FOXN2: variants seen among roughly 807,000 people sequenced by gnomAD.
FOXN2 encodes forkhead box N2.
A neutral mutation model predicts 41.2 loss-of-function variants in FOXN2; 19 were observed. The ratio of observed to expected loss-of-function variants is 0.46; its 90% CI spans 0.32 to 0.68. The LOEUF is 0.68. Among genes scored for constraint, FOXN2 ranks in the 30% least tolerant of loss-of-function variants. The probability of loss-of-function intolerance (pLI) is 0.03; values close to 1 mark genes in which losing one functional copy is unlikely to be tolerated. For synonymous variants in FOXN2, 195 were observed against 176.8 expected (o/e 1.10, Z -0.82); for missense variants, 587 against 509.4 (o/e 1.15, Z -1.47).
At chr2:48,330,206 A>G (rs1443719654) in intron 2 of FOXN2, among the ~76,000 whole-genome samples, 1 of 152,146 alleles carries the variant, frequency 6.6e-6, no homozygotes, top group Non-Finnish European at 1.5e-5. Context: ...TGGAAAATAC[A>G]ATGCTGTGGC....
At position 48,375,614 on chromosome 2, in the gene FOXN2, A is replaced by G; in HGVS notation, c.*171A>G. 1.7e-6 allele frequency: 1 copy of G among 595,576 alleles called. No homozygotes were observed. Among genetic ancestry groups the G allele is most frequent in the East Asian group, 2.8e-5 (1 of 35,124 alleles). 36.9% of individuals were successfully genotyped at this position (595,576 alleles called of 1,614,324 possible). On this transcript the variant is annotated 3_prime_UTR_variant, in exon 7 of 7. Coordinates refer to ENST00000340553, the MANE Select transcript of FOXN2 (RefSeq NM_002158.4). ...TTTTTATTAAACAATTGCTGTTAGGATCATGCCTGATCAGAAATACATGAT... is the reference window on the plus strand; with the variant it reads ...TTTTTATTAAACAATTGCTGTTAGGGTCATGCCTGATCAGAAATACATGAT...
At chr2:48,339,095 C>T (rs1470131971) in intron 2 of FOXN2, among the ~76,000 whole-genome samples, 1 of 151,998 alleles carries the variant, frequency 6.6e-6, no homozygotes, top group Non-Finnish European at 1.5e-5. Flanking sequence ...GCTATATGTT[C>T]ATATATATCT....
At chr2:48,364,561 T>C (rs1359744600) in intron 5 of FOXN2, among the ~76,000 whole-genome samples, 3 of 152,250 alleles carry the variant, frequency 2.0e-5, no homozygotes, top group Non-Finnish European at 1.5e-5. Context: ...CCCTTTTCCA[T>C]TTATTTTTAT....
In FOXN2 at chr2:48,378,082, T is replaced by C. The variant is rs1673360832; in HGVS notation, c.*2639T>C. On this transcript the variant is annotated 3_prime_UTR_variant, in exon 7 of 7. Transcript: ENST00000340553. ...TCAAAAGAATATGTTTTGTTGCAGC[T>C]GATTCCAGTTTATAATAGATCCCTA... is the stretch of plus-strand genomic sequence containing the variant. 6.6e-6 allele frequency: 1 copy of C among 152,518 alleles called. No homozygotes were observed. The highest frequency in any genetic ancestry group is 1.9e-4 in the East Asian group (1 of 5,200). The allele number at this position is 152,518 out of a possible 1,614,324, so 9.4% of individuals were successfully genotyped here.
At chr2:48,350,460 A>G (rs999805516) in intron 3 of FOXN2, among the ~76,000 whole-genome samples, 3 of 152,208 alleles carry the variant, frequency 2.0e-5, no homozygotes, top group Admixed American at 6.5e-5. Context: ...TCTTTTAGCA[A>G]CAGCCATCCT....
intron 3 of FOXN2, among the ~76,000 whole-genome samples, chr2:48,350,747 T>A (rs1269025055): frequency 1.3e-5 from 2 of 152,176 alleles, no homozygotes; most frequent in Admixed American, 6.5e-5. Flanking sequence ...TGGAGGCCAG[T>A]GGAAAAAGAC....
intron 3 of FOXN2, among the ~76,000 whole-genome samples, chr2:48,349,069 A>C (rs1390515107): frequency 6.6e-6 from 1 of 152,146 alleles, no homozygotes; most frequent in Non-Finnish European, 1.5e-5. Flanking sequence ...CTCAATATAG[A>C]GTCTAGAGCT....
At chr2:48,369,440 A>G (rs532918828) in intron 5 of FOXN2, among the ~76,000 whole-genome samples, 4 of 152,214 alleles carry the variant, frequency 2.6e-5, no homozygotes, top group Non-Finnish European at 4.4e-5. Flanking sequence ...CAGGAGGCTG[A>G]GGCAGTAGAA....
rs1669835313 is a variant in FOXN2 at position 48,328,621 on chromosome 2, C to CA, written c.-90dup. On this transcript the variant is annotated 5_prime_UTR_variant, in exon 2 of 7. An upstream open reading frame in the 5' UTR loses its in-frame stop. Transcript: ENST00000340553. ...CAGAGGGCTGACTGTACAAGTCTGT[C>CA]AAAAAACCAAACTGCTGGTTGGCTA... 1 of 152,092 alleles carries CA rather than the reference C, an allele frequency of 6.6e-6. No homozygotes were observed. Among genetic ancestry groups the CA allele is most frequent in the Non-Finnish European group, 1.5e-5 (1 of 68,018 alleles). 9.4% of individuals were successfully genotyped at this position (152,092 alleles called of 1,614,324 possible). A position where few individuals can be genotyped will look rare whatever the true frequency, so the allele number is the denominator to read the frequency against.
In FOXN2 at chr2:48,373,325, T is replaced by C. The variant is rs769468616; in HGVS notation, c.737T>C (p.Leu246Pro). The C allele has an allele frequency of 6.3e-7, 1 of 1,591,898 alleles. No individual in the cohort carries two copies. Among genetic ancestry groups the C allele is most frequent in the Non-Finnish European group, 8.5e-7 (1 of 1,171,126 alleles). ...ATTGATGCTGCTGCTGCAATGATGC[T>C]TTTAAATACTTCTATAGAACAAGGA... ...SDIDAAAAMM[L>P]LNTSIEQGIL... is the part of the protein sequence containing the mutation. Residue 246 changes from leucine (L) to proline (P), a missense_variant, in exon 6 of 7, where the codon CTT (leucine) becomes CCT (proline). Transcript: ENST00000340553.
chr2:48,374,637 G>A (rs545709365), intron 6 of FOXN2, among the ~76,000 whole-genome samples: 4 of 152,296 alleles, frequency 2.6e-5, no homozygotes, highest in African/African-American at 9.6e-5. Flanking sequence ...TAACACGGAA[G>A]TGATTAGCTA....
intron 5 of FOXN2, among the ~76,000 whole-genome samples, chr2:48,372,931 A>AAAAAAGGAG (rs1165154673): frequency 6.6e-6 from 1 of 152,068 alleles, no homozygotes; most frequent in Non-Finnish European, 1.5e-5. Flanking sequence ...GCAAAAAAAA[A>AAAAAAGGAG]AAAAAGGAGT....
In FOXN2 at chr2:48,363,652, C is replaced by A. The variant is rs140294944; in HGVS notation, c.703+945C>A. Among the ~76,000 whole-genome samples, 600 of 152,208 alleles carry A rather than the reference C, an allele frequency of 3.9e-3. 6 individuals carry two copies. The highest frequency in any genetic ancestry group is 0.014 in the African/African-American group (565 of 41,520). ...ATTTGTATAGTGTTTTTATTGTACC[C>A]CCTTTTTTGTTCCCTGGCAGAAACT... On this transcript the variant is annotated intron_variant, in intron 5 of 6. Coordinates refer to ENST00000340553, the MANE Select transcript of FOXN2 (RefSeq NM_002158.4).
At chr2:48,355,578 T>C (rs1040905632) in intron 3 of FOXN2, among the ~76,000 whole-genome samples, 15 of 152,026 alleles carry the variant, frequency 9.9e-5, no homozygotes, top group African/African-American at 3.6e-4. Context: ...ATTTATGAAA[T>C]GTTTCTTGGG....
At chr2:48,345,109 A>G (rs1220446960) in intron 2 of FOXN2, among the ~76,000 whole-genome samples, 1 of 152,186 alleles carries the variant, frequency 6.6e-6, no homozygotes, top group Non-Finnish European at 1.5e-5. Context: ...GCTCTCCTTG[A>G]AAGTACAGGG....
chr2:48,370,176 A>G (rs2104519762), intron 5 of FOXN2, among the ~76,000 whole-genome samples: 1 of 152,306 alleles, frequency 6.6e-6, no homozygotes, highest in East Asian at 1.9e-4. Context: ...TGTGCCTTGA[A>G]TAGGGAACCA....
At chr2:48,346,834 G>C (rs1671135739) in intron 3 of FOXN2, 83 bp downstream of exon 3, 5 of 1,159,866 alleles carry the variant, frequency 4.3e-6, no homozygotes, top group Admixed American at 2.6e-5. Flanking sequence ...GGAAATCGGG[G>C]AGACAATAAG....
At chr2:48,325,873 A>T (rs1669636295) in intron 1 of FOXN2, among the ~76,000 whole-genome samples, 1 of 130,862 alleles carries the variant, frequency 7.6e-6, no homozygotes, top group Non-Finnish European at 1.6e-5. Flanking sequence ...TTTTGAGACG[A>T]AGTTTTCCTC....
At chr2:48,347,119 G>A (rs1198574066) in intron 3 of FOXN2, among the ~76,000 whole-genome samples, 1 of 151,036 alleles carries the variant, frequency 6.6e-6, no homozygotes, top group African/African-American at 2.4e-5. Context: ...ATATGGTTGG[G>A]TTTAAATCTA....
Sources: allele counts gnomAD v4.1 joint callset (sites outside exome capture counted in the v4.1 genomes callset), GRCh38; gene constraint gnomAD v4.1.1; transcripts MANE v1.5; gene names NCBI Gene and HGNC (gene_info 2026-07-23, HGNC 2026-07-21).